The following NEDD1 variants were observed in gnomAD, a reference collection of about 807,000 sequenced individuals.
NEDD1 encodes the protein protein NEDD1.
A neutral mutation model predicts 74.0 loss-of-function variants in NEDD1; 33 were observed. The ratio of observed to expected loss-of-function variants is 0.45; its 90% CI spans 0.34 to 0.60. NEDD1 has a LOEUF of 0.60. NEDD1 is among the 20% of genes least tolerant of loss of function. NEDD1 has a pLI of 0.01. For synonymous variants in NEDD1, 250 were observed against 264.4 expected, an observed-to-expected ratio of 0.95 and a Z score of 0.53; for missense variants, 746 against 776.5, an observed-to-expected ratio of 0.96 and a Z score of 0.47.
In NEDD1 at chr12:96,935,834, C is replaced by CAAA. The variant is rs146280315; in HGVS notation, c.719+632_719+634dup. On this transcript the variant is annotated intron_variant, in intron 7 of 15. Coordinates refer to ENST00000266742, the MANE Select transcript of NEDD1 (RefSeq NM_152905.4). ...TGCTTAGTTAGCTAAAAAACAAAAACAAAAACAAAAGAATGCAAGAGTGAT... is the reference window on the plus strand; with the variant it reads ...TGCTTAGTTAGCTAAAAAACAAAAACAAAAAAAACAAAAGAATGCAAGAGTGAT... Among the ~76,000 whole-genome samples the CAAA allele has an allele frequency of 1.0e-3, 159 of 152,134 alleles. 1 individual carries two copies. Among genetic ancestry groups the CAAA allele is most frequent in the African/African-American group, 3.7e-3 (152 of 41,480 alleles).
intron 6 of NEDD1, among the ~76,000 whole-genome samples, chr12:96,921,533 C>G (rs76669984): frequency 0.15 from 22,595 of 152,048 alleles, 1,972 homozygotes; most frequent in Middle Eastern, 0.26. Flanking sequence ...TGGCCTGTTT[C>G]TTTGTCCTCA....
At position 96,920,109 on chromosome 12, in the gene NEDD1, G is replaced by A. The variant is rs1254823403; in HGVS notation, c.473G>A (p.Gly158Asp). ...ACTAATTTATCTAGTACTCCTTTTGGCCATGGTAGTAACCAGGTACAGTAT... is the reference window on the plus strand; with the variant it reads ...ACTAATTTATCTAGTACTCCTTTTGACCATGGTAGTAACCAGGTACAGTAT... The part of the protein sequence containing the change: ...VTTNLSSTPF[G>D]HGSNQSVRHL... Residue 158 changes from glycine to aspartate, a missense_variant, in exon 6 of 16, where the codon GGC becomes GAC. Gly to Asp is a moderately conservative substitution (Grantham distance 94). This residue lies in a region of NEDD1 where 706 missense variants were observed against 706.7 expected (regional missense o/e 1.00). Transcript: ENST00000266742. 8 of 1,596,192 alleles carry A rather than the reference G, an allele frequency of 5.0e-6. No individual in the cohort carries two copies. The African/African-American group carries it at 5.4e-5, about 11-fold the overall frequency.
At chr12:96,918,444 A>G (rs988997134) in intron 5 of NEDD1, among the ~76,000 whole-genome samples, 39 of 152,294 alleles carry the variant, frequency 2.6e-4, no homozygotes, top group Middle Eastern at 3.4e-3. Flanking sequence ...ACACATACAC[A>G]GAGGAAGAAC....
chr12:96,949,080 C>G (rs899439135), intron 14 of NEDD1, among the ~76,000 whole-genome samples: 7 of 152,162 alleles, frequency 4.6e-5, no homozygotes, highest in South Asian at 2.1e-4. Context: ...AATACTCCCC[C>G]ACCCAGCGAG....
At chr12:96,951,536 AAGT>A in intron 15 of NEDD1, 38 bp downstream of exon 15, 1 of 1,041,382 alleles carries the variant, frequency 9.6e-7, no homozygotes, top group Middle Eastern at 2.1e-4. Flanking sequence ...TTTTAAATGA[AAGT>A]AGAGTTGTGT....
intron 9 of NEDD1, among the ~76,000 whole-genome samples, chr12:96,938,671 T>C (rs1378344396): frequency 1.3e-5 from 2 of 152,068 alleles, no homozygotes; most frequent in Non-Finnish European, 2.9e-5. Context: ...GTTTGTGTAT[T>C]AATTGTATTT....
At chr12:96,925,157 G>C (rs1772497683) in intron 6 of NEDD1, among the ~76,000 whole-genome samples, 1 of 151,950 alleles carries the variant, frequency 6.6e-6, no homozygotes, top group Non-Finnish European at 1.5e-5. Flanking sequence ...GGAACCTAAA[G>C]GAGAGACACC....
At chr12:96,949,132 C>A (rs2136628771) in intron 14 of NEDD1, among the ~76,000 whole-genome samples, 1 of 152,318 alleles carries the variant, frequency 6.6e-6, no homozygotes, top group African/African-American at 2.4e-5. Flanking sequence ...TCGGTTTCTT[C>A]TCCACACTGT....
intron 4 of NEDD1, among the ~76,000 whole-genome samples, chr12:96,914,052 A>G (rs563948022): frequency 4.3e-4 from 66 of 152,334 alleles, no homozygotes; most frequent in African/African-American, 1.4e-3. Flanking sequence ...CAGAGGGAAC[A>G]TGTGCTAACA....
chr12:96,931,066 A>G (rs1876416442), intron 6 of NEDD1, among the ~76,000 whole-genome samples: 1 of 152,152 alleles, frequency 6.6e-6, no homozygotes, highest in Non-Finnish European at 1.5e-5. Context: ...GTGACAGATG[A>G]TTTGTGCTTG....
intron 4 of NEDD1, among the ~76,000 whole-genome samples, chr12:96,915,963 GT>G (rs1478329149): frequency 2.0e-5 from 3 of 152,170 alleles, no homozygotes; most frequent in Non-Finnish European, 2.9e-5. Context: ...TTGAAGTGTG[GT>G]GGCACTTAAG....
At chr12:96,933,109 A>G (rs76870169) in intron 6 of NEDD1, among the ~76,000 whole-genome samples, 1,529 of 151,934 alleles carry the variant, frequency 0.01, 69 homozygotes, top group East Asian at 0.095. Flanking sequence ...CTGGTTATCA[A>G]GTTGTGTTAA....
chr12:96,932,457 AAAAAAAATATATAT>A lies in NEDD1; in HGVS notation c.490-2517_490-2504del, dbSNP rs1348398541. ...TCCTGTCTCTTAAAAAAAAAAAAAA[AAAAAAAATATATAT>A]ATATATATATATATATAAAATGCAC... On this transcript the variant is annotated intron_variant, in intron 6 of 15. Transcript: ENST00000266742. Among the ~76,000 whole-genome samples the A allele has an allele frequency of 1.3e-3, 17 of 12,770 alleles. 1 individual carries two copies. The highest frequency in any genetic ancestry group is 2.2e-3 in the Non-Finnish European group (13 of 5,964). The allele number at this position is 12,770 out of a possible 152,430, so 8.4% of individuals were successfully genotyped here. A position where few individuals can be genotyped will look rare whatever the true frequency, so the allele number is the denominator to read the frequency against.
chr12:96,912,681 G>C, intron 3 of NEDD1, 42 bp from the exon 4 acceptor site: 1 of 890,062 alleles, frequency 1.1e-6, no homozygotes, highest in East Asian at 2.4e-5. Context: ...TAGTGCTATA[G>C]ATGTTCATGG....
At chr12:96,908,563 T>C (rs193016929) in intron 2 of NEDD1, among the ~76,000 whole-genome samples, 2 of 152,348 alleles carry the variant, frequency 1.3e-5, no homozygotes, top group African/African-American at 4.8e-5. Flanking sequence ...CCTTCTGTTT[T>C]CTAGACTTCC....
At chr12:96,914,051 C>T (rs1464789742) in intron 4 of NEDD1, among the ~76,000 whole-genome samples, 1 of 152,168 alleles carries the variant, frequency 6.6e-6, no homozygotes, top group African/African-American at 2.4e-5. Context: ...ACAGAGGGAA[C>T]ATGTGCTAAC....
At position 96,945,906 on chromosome 12, in the gene NEDD1, G is replaced by A. The variant is rs1375002758; in HGVS notation, c.1811+57G>A. 3 of 1,067,288 alleles carry A rather than the reference G, an allele frequency of 2.8e-6. No individual in the cohort carries two copies. In the East Asian group the frequency reaches 7.1e-5, roughly 25 times the overall value. The allele number at this position is 1,067,288 out of a possible 1,614,324, so 66.1% of individuals were successfully genotyped here. On this transcript the variant is annotated intron_variant, in intron 14 of 15. Transcript: ENST00000266742. The stretch of plus-strand genomic sequence containing the variant: ...GACCTTACTTGTTTTTTTTTTAGAT[G>A]TAAAACCAGAACTATAGATAATGTT...
At position 96,952,292 on chromosome 12, in the gene NEDD1, T is replaced by G. The variant is rs1340662480; in HGVS notation, c.*239T>G. 3 of 261,256 alleles carry G rather than the reference T, an allele frequency of 1.1e-5. No homozygotes were observed. Among genetic ancestry groups the G allele is most frequent in the Non-Finnish European group, 2.1e-5 (3 of 140,562 alleles). The allele number at this position is 261,256 out of a possible 1,614,324, so 16.2% of individuals were successfully genotyped here. ...GAAAGTCAACAGGATCTTTATTTTT[T>G]GAAAGCTTTAGCCATCCACTAAGTG... is the stretch of plus-strand genomic sequence containing the variant. On this transcript the variant is annotated 3_prime_UTR_variant, in exon 16 of 16. Coordinates refer to ENST00000266742, the MANE Select transcript of NEDD1 (RefSeq NM_152905.4).
rs375022252 is a variant in NEDD1, at chr12:96,952,061, G to A, written c.*8G>A. 5.6e-6 allele frequency: 8 copies of A among 1,417,524 alleles called. No homozygotes were observed. Among genetic ancestry groups the A allele is most frequent in the South Asian group, 1.2e-5 (1 of 86,952 alleles). 87.8% of individuals were successfully genotyped at this position (1,417,524 alleles called of 1,614,324 possible). ...TTACGGGCCCACTTTTGAAATTTCAGTGAATACCTTAATGTTCTGTAATTT... is the reference window on the plus strand; with the variant it reads ...TTACGGGCCCACTTTTGAAATTTCAATGAATACCTTAATGTTCTGTAATTT... On this transcript the variant is annotated 3_prime_UTR_variant, in exon 16 of 16. Coordinates refer to ENST00000266742, the MANE Select transcript of NEDD1 (RefSeq NM_152905.4).
Sources: allele counts gnomAD v4.1 joint callset (sites outside exome capture counted in the v4.1 genomes callset), GRCh38; gene constraint gnomAD v4.1.1; regional missense constraint gnomAD v4.1.1; transcripts MANE v1.5; gene names NCBI Gene and HGNC (gene_info 2026-07-23, HGNC 2026-07-21).